SNX2: variants seen among roughly 807,000 people sequenced by gnomAD.
SNX2 encodes the protein sorting nexin 2.
SNX2 carries 25 observed loss-of-function variants against 69.9 expected under a neutral mutation model. The observed-to-expected ratio is 0.36, with a 90% CI of 0.26 to 0.50. The LOEUF is 0.50. SNX2 is among the 20% of genes least tolerant of loss of function. The pLI, the probability that SNX2 is intolerant of heterozygous loss-of-function variation, is 0.97. For missense variants in SNX2, 551 were observed against 613.3 expected (o/e 0.90, Z 1.07); for synonymous variants, 229 against 200.4 (o/e 1.14, Z -1.20).
At position 122,817,341 on chromosome 5, in the gene SNX2, T is replaced by A; in HGVS notation, c.974T>A (p.Val325Asp). 2 of 1,613,980 alleles carry A rather than the reference T, an allele frequency of 1.2e-6. No individual in the cohort carries two copies. The highest frequency in any genetic ancestry group is 1.7e-6 in the Non-Finnish European group (2 of 1,179,902). ...NLDQQLRKLH[V>D]SVEALVCHRK... ...GATCAGCAACTTAGGAAACTTCATG[T>A]CAGTGTTGAAGCCTTGGTCTGTCAT... The change falls in exon 10 of 15, where the codon GTC (valine) becomes GAC (aspartate). Residue 325 changes from valine to aspartate, a missense_variant. Around this residue, in one of 2 missense-constraint regions of SNX2, gnomAD observed 360 missense variants for 450.4 expected, o/e 0.80. Transcript: ENST00000379516.
chr5:122,819,768 T>A (rs1753973427), intron 11 of SNX2, among the ~76,000 whole-genome samples: 1 of 152,198 alleles, frequency 6.6e-6, no homozygotes, highest in Non-Finnish European at 1.5e-5. Context: ...TTACCTTGAA[T>A]TTAAACATCT....
At chr5:122,811,315 C>G (rs929340537) in intron 7 of SNX2, among the ~76,000 whole-genome samples, 12 of 152,076 alleles carry the variant, frequency 7.9e-5, no homozygotes, top group Admixed American at 5.9e-4. Flanking sequence ...AAGAGTAGCC[C>G]TAACATCACT....
At chr5:122,812,650 GTTTA>G (rs1178235935) in intron 7 of SNX2, among the ~76,000 whole-genome samples, 1 of 151,798 alleles carries the variant, frequency 6.6e-6, no homozygotes, top group Non-Finnish European at 1.5e-5. Flanking sequence ...TCATTTGTAT[GTTTA>G]TTATGTTTAT....
At chr5:122,816,192 CAA>C (rs1017653476) in intron 8 of SNX2, among the ~76,000 whole-genome samples, 1 of 152,094 alleles carries the variant, frequency 6.6e-6, no homozygotes, top group African/African-American at 2.4e-5. Context: ...ATACTTAAAA[CAA>C]GATTTAAGAG....
intron 11 of SNX2, among the ~76,000 whole-genome samples, chr5:122,825,101 G>A (rs1015475967): frequency 6.6e-5 from 10 of 151,986 alleles, no homozygotes; most frequent in African/African-American, 2.4e-4. Context: ...ATCCCTATAG[G>A]AACATGTATT....
chr5:122,823,801 T>C (rs1186299836), intron 11 of SNX2, among the ~76,000 whole-genome samples: 1 of 151,680 alleles, frequency 6.6e-6, no homozygotes, highest in African/African-American at 2.4e-5. Context: ...TGTGTGTGTG[T>C]GTGTGTGTGT....
At chr5:122,794,997 T>TG (rs1753345015) in intron 1 of SNX2, among the ~76,000 whole-genome samples, 1 of 152,112 alleles carries the variant, frequency 6.6e-6, no homozygotes, top group African/African-American at 2.4e-5. Context: ...CACTCCAGCC[T>TG]GGGCCATAGA....
At chr5:122,828,911 G>C (rs1232027279) in intron 14 of SNX2, among the ~76,000 whole-genome samples, 1 of 152,086 alleles carries the variant, frequency 6.6e-6, no homozygotes, top group Non-Finnish European at 1.5e-5. Flanking sequence ...CTGAGGTCAG[G>C]AGTTTAAGAC....
At chr5:122,823,320 G>A (rs1754066544) in intron 11 of SNX2, among the ~76,000 whole-genome samples, 1 of 149,594 alleles carries the variant, frequency 6.7e-6, no homozygotes, top group African/African-American at 2.5e-5. Context: ...GAAAACAAAC[G>A]AAGAAAAAGT....
Position 122,806,248 on chromosome 5 carries a change from A to G in SNX2, c.644-2029A>G, listed in dbSNP as rs139038601. ...AGAGAAATTATCAGGAAAAAAATAAATGTAGTCAAATAGTAATATGAAGCC... is the reference window on the plus strand; with the variant it reads ...AGAGAAATTATCAGGAAAAAAATAAGTGTAGTCAAATAGTAATATGAAGCC... On this transcript the variant is annotated intron_variant, in intron 6 of 14. Transcript: ENST00000379516. 7.0e-4 allele frequency among the ~76,000 whole-genome samples: 107 copies of G among 152,166 alleles called. 1 individual carries two copies. Among genetic ancestry groups the G allele is most frequent in the African/African-American group, 2.4e-3 (99 of 41,530 alleles).
chr5:122,800,586 G>A (rs1247853012), intron 3 of SNX2, among the ~76,000 whole-genome samples: 1 of 152,158 alleles, frequency 6.6e-6, no homozygotes, highest in Non-Finnish European at 1.5e-5. Context: ...AGTAACTGGA[G>A]GGGAAGCAAA....
At chr5:122,778,958 G>A (rs901904412) in intron 1 of SNX2, among the ~76,000 whole-genome samples, 4 of 152,184 alleles carry the variant, frequency 2.6e-5, no homozygotes, top group Non-Finnish European at 5.9e-5. Context: ...TCTGGCAAAA[G>A]CCTGTTCTTC....
intron 11 of SNX2, among the ~76,000 whole-genome samples, chr5:122,823,854 A>G (rs1754086158): frequency 1.3e-5 from 2 of 151,702 alleles, no homozygotes; most frequent in Admixed American, 6.6e-5. Flanking sequence ...AAGCTTTCCA[A>G]CATGCGGCCG....
At chr5:122,780,571 C>CTTTTTTTT (rs761877253) in intron 1 of SNX2, among the ~76,000 whole-genome samples, 1 of 133,338 alleles carries the variant, frequency 7.5e-6, no homozygotes, top group Non-Finnish European at 1.6e-5. Flanking sequence ...CTTTTCTTTT[C>CTTTTTTTT]TTTTCTTTTT....
intron 11 of SNX2, among the ~76,000 whole-genome samples, chr5:122,823,202 CA>C (rs1332582823): frequency 6.6e-6 from 1 of 152,154 alleles, no homozygotes; most frequent in Non-Finnish European, 1.5e-5. Flanking sequence ...AGTATCTTGA[CA>C]TACAAAGGGA....
At chr5:122,779,094 C>G (rs139875170) in intron 1 of SNX2, among the ~76,000 whole-genome samples, 1 of 151,440 alleles carries the variant, frequency 6.6e-6, no homozygotes, top group Non-Finnish European at 1.5e-5. Flanking sequence ...GTAGATAGTA[C>G]GTTTTAAAAA....
chr5:122,806,109 T>TGC (rs1392112083), intron 6 of SNX2, among the ~76,000 whole-genome samples: 31 of 81,816 alleles, frequency 3.8e-4, no homozygotes, highest in East Asian at 2.3e-3. Context: ...TGTGTGTGTG[T>TGC]GTGCGTGTGT....
At position 122,797,313 on chromosome 5, in the gene SNX2, T is replaced by TA. The variant is rs1753402894; in HGVS notation, c.226+1937dup. 4.6e-5 allele frequency among the ~76,000 whole-genome samples: 7 copies of TA among 152,302 alleles called. No individual in the cohort carries two copies. In the South Asian group the frequency reaches 1.0e-3, roughly 23 times the overall value. ...ATATGGTGAATATCAGTGTTTGTTT[T>TA]AAAAAAAGAGAGAGATGGGAACTAA... On this transcript the variant is annotated intron_variant, in intron 2 of 14. Transcript: ENST00000379516.
chr5:122,809,114 C>T (rs1475967305), intron 7 of SNX2, among the ~76,000 whole-genome samples: 1 of 152,016 alleles, frequency 6.6e-6, no homozygotes, highest in Non-Finnish European at 1.5e-5. Context: ...CATTTTTGGT[C>T]ATTATTGTCT....
Sources: gnomAD v4.1 joint callset for allele counts (sites outside exome capture counted in the v4.1 genomes callset) on GRCh38, gnomAD v4.1.1 for gene constraint, gnomAD v4.1.1 regional missense constraint, MANE v1.5 for transcripts, NCBI Gene and HGNC (gene_info 2026-07-23, HGNC 2026-07-21) for gene names.